The following TMEM273 variants were observed in gnomAD, a reference collection of about 807,000 sequenced individuals.
The protein encoded by TMEM273 is chromosome 10 open reading frame 128.
TMEM273 carries 19 observed loss-of-function variants against 17.9 expected under a neutral mutation model. The ratio of observed to expected loss-of-function variants is 1.06; its 90% CI spans 0.74 to 1.55. TMEM273 has a LOEUF of 1.55. Ranked by LOEUF, TMEM273 falls within the 40% of genes most tolerant of loss-of-function variation. The probability of loss-of-function intolerance (pLI) is 0.00; values close to 1 mark genes in which losing one functional copy is unlikely to be tolerated. For synonymous variants in TMEM273, 66 were observed against 62.0 expected, an observed-to-expected ratio of 1.07 and a Z score of -0.31; for missense variants, 194 against 155.6, an observed-to-expected ratio of 1.25 and a Z score of -1.31.
At chr10:49,161,735 C>G in intron 5 of TMEM273, 113 bp from the exon 6 acceptor site, 3 of 1,330,916 alleles carry the variant, frequency 2.3e-6, no homozygotes, top group Non-Finnish European at 3.2e-6. Flanking sequence ...TCTTTTGGGT[C>G]TGACTTCCTC....
At chr10:49,156,088 T>C (rs1590169447) in intron 6 of TMEM273, 179 bp from the exon 7 acceptor site, 16 of 1,543,554 alleles carry the variant, frequency 1.0e-5, no homozygotes, top group Non-Finnish European at 1.3e-5. Flanking sequence ...GGCTTCTGGG[T>C]AAAGGGGAGA....
At chr10:49,179,999 C>T (rs531291853) in intron 1 of TMEM273, among the ~76,000 whole-genome samples, 1 of 152,326 alleles carries the variant, frequency 6.6e-6, no homozygotes, top group Admixed American at 6.5e-5. Context: ...CCCCACTCCC[C>T]AACGAGGGTG....
chr10:49,171,177 C>T (rs1846543280), intron 1 of TMEM273, among the ~76,000 whole-genome samples: 1 of 152,226 alleles, frequency 6.6e-6, no homozygotes, highest in African/African-American at 2.4e-5. Context: ...AAACAGGCAC[C>T]CTTCTAACCT....
intron 6 of TMEM273, 53 bp from the exon 7 acceptor site, chr10:49,155,962 T>C: frequency 6.2e-7 from 1 of 1,613,270 alleles, no homozygotes; most frequent in Non-Finnish European, 8.5e-7. Flanking sequence ...AACTATACTC[T>C]AATGATTGCA....
chr10:49,176,681 G>A (rs536118250), intron 1 of TMEM273, among the ~76,000 whole-genome samples: 7 of 152,240 alleles, frequency 4.6e-5, no homozygotes, highest in African/African-American at 1.7e-4. Flanking sequence ...TCCAGGGAGC[G>A]GGGCTGTGGG....
intron 1 of TMEM273, among the ~76,000 whole-genome samples, chr10:49,176,965 C>A (rs544555492): frequency 3.3e-5 from 5 of 152,366 alleles, no homozygotes; most frequent in African/African-American, 1.2e-4. Context: ...CAGCCGAAGT[C>A]CCCCTGACCC....
intron 5 of TMEM273, among the ~76,000 whole-genome samples, chr10:49,163,528 C>A (rs1016048610): frequency 6.6e-6 from 1 of 152,214 alleles, no homozygotes; most frequent in Non-Finnish European, 1.5e-5. Flanking sequence ...ATCCCTATTT[C>A]CCTAGGACAG....
chr10:49,171,957 TG>T (rs1422702294), intron 1 of TMEM273, among the ~76,000 whole-genome samples: 4 of 152,212 alleles, frequency 2.6e-5, no homozygotes, highest in Non-Finnish European at 5.9e-5. Context: ...AATCAGGCTG[TG>T]GGATTCCCAG....
Position 49,165,256 on chromosome 10 carries a change from G to A in TMEM273, c.297C>T (p.Ser99=). ...PRKLQASTLF[S]FKSLLQCHHC... is the part of the protein sequence containing the mutation. The stretch of plus-strand genomic sequence containing the variant: ...GGTGACACTGAAGCAGGGATTTGAA[G>A]GAAAAGAGGGTCGAGGCTTGCAGCT... The change falls in exon 5 of 7, where the codon TCC becomes TCT. Residue 99 remains serine, a synonymous_variant. Coordinates refer to ENST00000374153, the MANE Select transcript of TMEM273 (RefSeq NM_001288740.3). 1 of 1,550,558 alleles carries A rather than the reference G, an allele frequency of 6.4e-7. No homozygotes were observed.
At chr10:49,165,827 G>T in intron 3 of TMEM273, 31 bp from the exon 4 acceptor site, 1 of 1,613,976 alleles carries the variant, frequency 6.2e-7, no homozygotes, top group Non-Finnish European at 8.5e-7. Context: ...ATTAGGAAGG[G>T]GGTCGTGTGA....
chr10:49,161,718 A>C (rs915648403), intron 5 of TMEM273, 96 bp from the exon 6 acceptor site: 1 of 1,518,154 alleles, frequency 6.6e-7, no homozygotes, highest in African/African-American at 1.4e-5. Context: ...GCTTGTCATT[A>C]GCTTGCTCTT....
chr10:49,170,566 G>A (rs993161338), intron 1 of TMEM273, among the ~76,000 whole-genome samples: 1 of 152,176 alleles, frequency 6.6e-6, no homozygotes, highest in Admixed American at 6.5e-5. Context: ...TAGGGACTGA[G>A]TGAATTCCCA....
At chr10:49,162,948 A>G (rs1845936022) in intron 5 of TMEM273, among the ~76,000 whole-genome samples, 1 of 152,136 alleles carries the variant, frequency 6.6e-6, no homozygotes, top group African/African-American at 2.4e-5. Flanking sequence ...CCCTGATTCC[A>G]TGGTGGGAGA....
At chr10:49,174,455 G>T (rs1469663439) in intron 1 of TMEM273, among the ~76,000 whole-genome samples, 1 of 152,242 alleles carries the variant, frequency 6.6e-6, no homozygotes, top group Non-Finnish European at 1.5e-5. Flanking sequence ...CCGGAGTCTA[G>T]ACACTTCTAG....
At chr10:49,170,100 T>C (rs1378954945) in intron 1 of TMEM273, among the ~76,000 whole-genome samples, 2 of 152,096 alleles carry the variant, frequency 1.3e-5, no homozygotes, top group Admixed American at 6.5e-5. Flanking sequence ...CATGCTAGCC[T>C]GAGATGAAAT....
chr10:49,183,296 G>A (rs765705088), intron 1 of TMEM273, among the ~76,000 whole-genome samples: 1 of 151,860 alleles, frequency 6.6e-6, no homozygotes, highest in Non-Finnish European at 1.5e-5. Context: ...ATGTATTTAA[G>A]GGTTAAAAGA....
Position 49,188,298 on chromosome 10 carries a change from G to A in TMEM273, c.39C>T (p.Leu13=), listed in dbSNP as rs368989060. The change falls in exon 1 of 7, where the codon CTC becomes CTT. Residue 13 remains leucine (L), a synonymous_variant. Transcript: ENST00000374153. ...LGVSMLRILF[L]LDVGGAQVLA... Reference sequence around the variant, plus strand: ...ACCCCCGCAGTCCCCACTTACCCAGGAGGAAGAGGATCCTCAGCATGCTGA... The same window carrying A: ...ACCCCCGCAGTCCCCACTTACCCAGAAGGAAGAGGATCCTCAGCATGCTGA... The A allele has an allele frequency of 3.2e-4, 520 of 1,614,050 alleles. No homozygotes were observed. The highest frequency in any genetic ancestry group is 4.2e-4 in the Non-Finnish European group (491 of 1,180,010).
At chr10:49,178,888 G>A (rs546598706) in intron 1 of TMEM273, among the ~76,000 whole-genome samples, 164 of 152,306 alleles carry the variant, frequency 1.1e-3, no homozygotes, top group Middle Eastern at 6.8e-3. Flanking sequence ...CTTAATCAAA[G>A]AGAAAGCTCT....
At chr10:49,181,947 G>A (rs1847370168) in intron 1 of TMEM273, among the ~76,000 whole-genome samples, 1 of 152,150 alleles carries the variant, frequency 6.6e-6, no homozygotes, top group Non-Finnish European at 1.5e-5. Context: ...TTTGACAAAG[G>A]ACTAATATCT....
Sources: allele counts gnomAD v4.1 joint callset (sites outside exome capture counted in the v4.1 genomes callset), GRCh38; gene constraint gnomAD v4.1.1; transcripts MANE v1.5; gene names NCBI Gene and HGNC (gene_info 2026-07-23, HGNC 2026-07-21).